The following CLTCL1 variants were observed in gnomAD, a reference collection of about 807,000 sequenced individuals.
CLTCL1 encodes the protein clathrin heavy chain 2.
In CLTCL1, 159 loss-of-function variants were observed where a neutral mutation model predicts 190.0. The ratio of observed to expected loss-of-function variants is 0.84; its 90% CI spans 0.74 to 0.95. The LOEUF (loss-of-function observed/expected upper bound fraction) is 0.95. Ranked by LOEUF, CLTCL1 falls within the 40% of genes least tolerant of loss-of-function variation. The pLI is 0.00. For missense variants in CLTCL1, 1,878 were observed against 2,033.4 expected, an observed-to-expected ratio of 0.92 and a Z score of 1.47; for synonymous variants, 752 against 769.6, an observed-to-expected ratio of 0.98 and a Z score of 0.38.
intron 5 of CLTCL1, among the ~76,000 whole-genome samples, chr22:19,236,480 C>T (rs1555962296): frequency 1.3e-5 from 2 of 152,130 alleles, no homozygotes; most frequent in Non-Finnish European, 2.9e-5. Flanking sequence ...AAATATTTAA[C>T]ACACAAGAAA....
intron 29 of CLTCL1, among the ~76,000 whole-genome samples, chr22:19,185,686 G>A (rs2084293481): frequency 6.6e-6 from 1 of 152,252 alleles, no homozygotes; most frequent in Non-Finnish European, 1.5e-5. Flanking sequence ...GGGCCCACGT[G>A]GCTCGGAGTG....
At chr22:19,274,753 G>A (rs1424896796) in intron 2 of CLTCL1, among the ~76,000 whole-genome samples, 4 of 142,500 alleles carry the variant, frequency 2.8e-5, no homozygotes, top group African/African-American at 1.1e-4. Flanking sequence ...TTTTGAGACC[G>A]ATTTTTGCTC....
At chr22:19,258,439 T>C (rs541163710) in intron 2 of CLTCL1, 15 of 408,998 alleles carry the variant, frequency 3.7e-5, no homozygotes, top group South Asian at 1.0e-4. Flanking sequence ...TCCTTGGAGA[T>C]TGGCCTGGAC....
chr22:19,234,581 CACAA>C lies in CLTCL1; in HGVS notation c.1091_1094del (p.Phe364Ter), dbSNP rs782667405. The C allele has an allele frequency of 3.7e-6, 6 of 1,613,998 alleles. No homozygotes were observed. The highest frequency in any genetic ancestry group is 2.2e-5 in the East Asian group (1 of 44,886). ...GTGCAAAGAGGGTATTGAATTTTCT[CACAA>C]ACAACTTCTCTGCCCCAGCCAGGTT... On this transcript the variant is annotated frameshift_variant, in exon 7 of 33. Coordinates refer to ENST00000427926, the MANE Select transcript of CLTCL1 (RefSeq NM_007098.4). LOFTEE classifies it high-confidence loss of function.
chr22:19,257,737 C>T (rs1465438850), intron 2 of CLTCL1: 4 of 1,289,496 alleles, frequency 3.1e-6, no homozygotes, highest in African/African-American at 1.5e-5. Flanking sequence ...AGGGGTCTGG[C>T]AGGAATAGGG....
intron 2 of CLTCL1, among the ~76,000 whole-genome samples, chr22:19,273,686 T>A (rs1340299152): frequency 6.6e-6 from 1 of 152,194 alleles, no homozygotes; most frequent in Non-Finnish European, 1.5e-5. Context: ...CTCACTCTAG[T>A]CTTCCCTCCC....
chr22:19,250,495 C>T (rs2086559568), intron 3 of CLTCL1, among the ~76,000 whole-genome samples: 1 of 151,320 alleles, frequency 6.6e-6, no homozygotes, highest in Non-Finnish European at 1.5e-5. Flanking sequence ...CATGCCACCA[C>T]ACCAAGCTAA....
At chr22:19,260,746 T>C (rs1555975065) in intron 2 of CLTCL1, among the ~76,000 whole-genome samples, 7 of 121,790 alleles carry the variant, frequency 5.7e-5, no homozygotes. Flanking sequence ...GCCACTGCAC[T>C]CCAGCCTGGG....
chr22:19,218,477 C>A (rs1331953562), intron 18 of CLTCL1, among the ~76,000 whole-genome samples: 1 of 152,142 alleles, frequency 6.6e-6, no homozygotes, highest in Admixed American at 6.5e-5. Flanking sequence ...CTTGAGGAAA[C>A]AGTGGACAGA....
chr22:19,211,142 T>C (rs1160896166), intron 19 of CLTCL1, among the ~76,000 whole-genome samples: 1 of 152,068 alleles, frequency 6.6e-6, no homozygotes, highest in Non-Finnish European at 1.5e-5. Context: ...ACACCACATA[T>C]CAATAATCTA....
At chr22:19,214,737 G>A (rs2085332691) in intron 19 of CLTCL1, among the ~76,000 whole-genome samples, 1 of 146,108 alleles carries the variant, frequency 6.8e-6, no homozygotes, top group South Asian at 2.2e-4. Flanking sequence ...CTAGAGTATA[G>A]TGGTGCCATC....
chr22:19,286,889 A>G (rs2087926303), intron 1 of CLTCL1, among the ~76,000 whole-genome samples: 1 of 152,196 alleles, frequency 6.6e-6, no homozygotes. Context: ...TAAGATCTTG[A>G]CCATCTTTCT....
chr22:19,229,435 G>A (rs1446715968), intron 11 of CLTCL1, among the ~76,000 whole-genome samples: 1 of 152,212 alleles, frequency 6.6e-6, no homozygotes. Flanking sequence ...GCTGGGAAAT[G>A]AGGAGTCACT....
chr22:19,206,258 C>T (rs770948826), intron 22 of CLTCL1, among the ~76,000 whole-genome samples: 4 of 152,002 alleles, frequency 2.6e-5, no homozygotes, highest in Non-Finnish European at 4.4e-5. Context: ...GACAGGGTCT[C>T]GCTCTTTGCC....
chr22:19,233,071 C>T, intron 9 of CLTCL1, 95 bp downstream of exon 9: 1 of 1,349,636 alleles, frequency 7.4e-7, no homozygotes. Flanking sequence ...CACCAGAGGA[C>T]TTACAAAGAA....
Position 19,218,330 on chromosome 22 carries a change from A to G in CLTCL1, c.2919+1555T>C, listed in dbSNP as rs986993120. Reference sequence around the variant, plus strand: ...CCTGGATGTAGAACCCTAGTAGAATATTGTGTTGTTTAATATTTTTATTAG... The same window carrying G: ...CCTGGATGTAGAACCCTAGTAGAATGTTGTGTTGTTTAATATTTTTATTAG... On this transcript the variant is annotated intron_variant, in intron 18 of 32. Coordinates refer to ENST00000427926, the MANE Select transcript of CLTCL1 (RefSeq NM_007098.4). 2.0e-5 allele frequency among the ~76,000 whole-genome samples: 3 copies of G among 152,218 alleles called. No homozygotes were observed. In the South Asian group the frequency reaches 6.2e-4, roughly 32 times the overall value.
At chr22:19,280,805 C>T (rs1303297877) in intron 1 of CLTCL1, among the ~76,000 whole-genome samples, 4 of 123,438 alleles carry the variant, frequency 3.2e-5, no homozygotes, top group African/African-American at 1.3e-4. Context: ...GGCAACAGAG[C>T]GAGACTCCAT....
chr22:19,260,722 T>C (rs1555975050), intron 2 of CLTCL1, among the ~76,000 whole-genome samples: 1 of 134,538 alleles, frequency 7.4e-6, no homozygotes, highest in Admixed American at 9.2e-5. Context: ...GAGGTTGCGG[T>C]GAGCCAATAT....
intron 4 of CLTCL1, among the ~76,000 whole-genome samples, chr22:19,241,377 G>A (rs2145946151): frequency 6.6e-6 from 1 of 152,320 alleles, no homozygotes. Context: ...GAATATGGGA[G>A]CAAGCTCTTT....
Sources: gnomAD v4.1 joint callset for allele counts (sites outside exome capture counted in the v4.1 genomes callset) on GRCh38, gnomAD v4.1.1 for gene constraint, MANE v1.5 for transcripts, NCBI Gene and HGNC (gene_info 2026-07-23, HGNC 2026-07-21) for gene names.